Variants in LSAMP observed in about 807,000 individuals in gnomAD.
LSAMP encodes the protein limbic system associated membrane protein.
Under a neutral mutation model 38.6 loss-of-function variants are expected in LSAMP, and 7 were observed. That is an observed-to-expected ratio of 0.18 (90% confidence interval 0.10 to 0.34). The LOEUF is 0.34. LSAMP is among the 10% of genes least tolerant of loss of function. The probability of loss-of-function intolerance (pLI) is 1.00; values close to 1 mark genes in which losing one functional copy is unlikely to be tolerated. For missense variants in LSAMP, 313 were observed against 420.0 expected (o/e 0.75, Z 2.23); for synonymous variants, 154 against 166.8 (o/e 0.92, Z 0.59).
At chr3:116,367,919 G>C (rs1305211286) in intron 1 of LSAMP, 1 of 151,948 alleles carries the variant, frequency 6.6e-6, no homozygotes, top group Non-Finnish European at 1.5e-5. Context: ...TCTTATATTT[G>C]CTTCTGCACA....
intron 3 of LSAMP, among the ~76,000 whole-genome samples, chr3:115,864,259 G>GT (rs11411020): frequency 0.19 from 28,854 of 152,106 alleles, 3,539 homozygotes; most frequent in African/African-American, 0.33. Context: ...TCCATGGCAC[G>GT]TTGCCTGATT....
chr3:116,420,880 AAAAT>A (rs1221347600), intron 1 of LSAMP, among the ~76,000 whole-genome samples: 1 of 152,234 alleles, frequency 6.6e-6, no homozygotes, highest in African/African-American at 2.4e-5. Flanking sequence ...TGTGTCTTAA[AAAAT>A]AAATATATAA....
At chr3:116,302,024 C>T (rs368452556) in intron 1 of LSAMP, among the ~76,000 whole-genome samples, 4 of 152,262 alleles carry the variant, frequency 2.6e-5, no homozygotes, top group South Asian at 4.1e-4. Flanking sequence ...ACAGACACTG[C>T]TCAATGGCTC....
At chr3:116,278,960 A>T (rs2047090707) in intron 1 of LSAMP, among the ~76,000 whole-genome samples, 1 of 152,196 alleles carries the variant, frequency 6.6e-6, no homozygotes, top group African/African-American at 2.4e-5. Flanking sequence ...GCCCTGGGAG[A>T]ATACATATGT....
At chr3:115,843,478 T>A (rs886685467) in intron 4 of LSAMP, among the ~76,000 whole-genome samples, 3 of 152,232 alleles carry the variant, frequency 2.0e-5, no homozygotes, top group African/African-American at 7.2e-5. Context: ...GTTATGGGCC[T>A]TCAAGGAGAG....
chr3:116,428,013 T>C (rs1379779834), intron 1 of LSAMP, among the ~76,000 whole-genome samples: 1 of 152,236 alleles, frequency 6.6e-6, no homozygotes, highest in East Asian at 1.9e-4. Context: ...AAATCTACCA[T>C]TTCATTCCAT....
At position 116,149,766 on chromosome 3, in the gene LSAMP, ACTT is replaced by A. The variant is rs373185660; in HGVS notation, c.156-63213_156-63211del. Among the ~76,000 whole-genome samples, 58 of 152,078 alleles carry A rather than the reference ACTT, an allele frequency of 3.8e-4. No homozygotes were observed. In the East Asian group the frequency reaches 0.011, roughly 28 times the overall value. On this transcript the variant is annotated intron_variant, in intron 1 of 6. Transcript: ENST00000490035. ...GGAGACTTTGTTGTAATGGTGATGT[ACTT>A]CTTTTTTGATGGAGCTCTTGAATAA...
At chr3:116,094,003 A>G (rs559439856) in intron 1 of LSAMP, among the ~76,000 whole-genome samples, 1 of 152,218 alleles carries the variant, frequency 6.6e-6, no homozygotes, top group African/African-American at 2.4e-5. Context: ...GGAATAAAGC[A>G]TGAAAATATC....
At chr3:116,139,563 C>T (rs1709325805) in intron 1 of LSAMP, among the ~76,000 whole-genome samples, 1 of 152,020 alleles carries the variant, frequency 6.6e-6, no homozygotes, top group Non-Finnish European at 1.5e-5. Context: ...TTGCTATCTT[C>T]ATTGGTCAAA....
At chr3:116,104,774 C>G (rs962479585) in intron 1 of LSAMP, among the ~76,000 whole-genome samples, 2 of 152,194 alleles carry the variant, frequency 1.3e-5, no homozygotes, top group Non-Finnish European at 2.9e-5. Flanking sequence ...TCTGCTCACT[C>G]TACCTTTTTA....
chr3:116,208,327 T>G (rs1334516824), intron 1 of LSAMP, among the ~76,000 whole-genome samples: 11 of 151,060 alleles, frequency 7.3e-5, no homozygotes, highest in Non-Finnish European at 1.0e-4. Flanking sequence ...AGTTTTAAAC[T>G]TCTTTGCCTT....
intron 1 of LSAMP, among the ~76,000 whole-genome samples, chr3:116,164,743 C>CATATAT (rs1329964354): frequency 0.016 from 771 of 48,420 alleles, 74 homozygotes; most frequent in East Asian, 0.12. Context: ...TATATATATC[C>CATATAT]ATATATATAT....
chr3:115,984,342 G>T (rs755031187), intron 3 of LSAMP, among the ~76,000 whole-genome samples: 2 of 152,168 alleles, frequency 1.3e-5, no homozygotes, highest in African/African-American at 2.4e-5. Context: ...CAAAGAGTTA[G>T]ATATATGGGC....
At chr3:116,426,536 G>A (rs2049199189) in intron 1 of LSAMP, among the ~76,000 whole-genome samples, 1 of 150,726 alleles carries the variant, frequency 6.6e-6, no homozygotes, top group African/African-American at 2.4e-5. Context: ...CACTGATAAG[G>A]ATTTGGAATA....
Position 115,974,511 on chromosome 3 carries a change from A to G in LSAMP, c.514+45004T>C, listed in dbSNP as rs371446213. Reference sequence around the variant, plus strand: ...ATGGTGGATCACAGACATATCTGTGACTATTTTTTCCAAATAGGTTCTCAG... The same window carrying G: ...ATGGTGGATCACAGACATATCTGTGGCTATTTTTTCCAAATAGGTTCTCAG... On this transcript the variant is annotated intron_variant, in intron 3 of 6. Transcript: ENST00000490035. Among the ~76,000 whole-genome samples the G allele has an allele frequency of 2.6e-5, 4 of 152,160 alleles. No individual in the cohort carries two copies. The East Asian group carries it at 7.7e-4, about 29-fold the overall frequency.
chr3:116,220,040 G>A (rs1322738430), intron 1 of LSAMP, among the ~76,000 whole-genome samples: 1 of 152,118 alleles, frequency 6.6e-6, no homozygotes, highest in Non-Finnish European at 1.5e-5. Flanking sequence ...CCAGTGTGGT[G>A]GCACATGCCA....
intron 1 of LSAMP, among the ~76,000 whole-genome samples, chr3:116,253,211 C>T (rs1201535650): frequency 4.6e-5 from 5 of 109,598 alleles, no homozygotes; most frequent in Non-Finnish European, 8.0e-5. Flanking sequence ...ATACAGAATA[C>T]GGAAAATAAA....
chr3:116,381,221 T>C (rs1239150537), intron 1 of LSAMP, among the ~76,000 whole-genome samples: 2 of 152,118 alleles, frequency 1.3e-5, no homozygotes, highest in East Asian at 3.9e-4. Flanking sequence ...AAAAATTCTT[T>C]ATTGCAAATA....
intron 1 of LSAMP, among the ~76,000 whole-genome samples, chr3:116,216,284 T>A (rs2046218117): frequency 6.6e-6 from 1 of 152,210 alleles, no homozygotes; most frequent in Non-Finnish European, 1.5e-5. Context: ...GACCCATCGC[T>A]GTCTGGACCA....
Sources: gnomAD v4.1 joint callset for allele counts (sites outside exome capture counted in the v4.1 genomes callset) on GRCh38, gnomAD v4.1.1 for gene constraint, MANE v1.5 for transcripts, NCBI Gene and HGNC (gene_info 2026-07-23, HGNC 2026-07-21) for gene names.